NUP133: variants seen among roughly 807,000 people sequenced by gnomAD.
The protein encoded by NUP133 is nuclear pore complex protein Nup133.
Under a neutral mutation model 146.2 loss-of-function variants are expected in NUP133, and 66 were observed. The ratio of observed to expected loss-of-function variants is 0.45; its 90% CI spans 0.37 to 0.55. The LOEUF (loss-of-function observed/expected upper bound fraction) is 0.55. Among genes scored for constraint, NUP133 ranks in the 20% least tolerant of loss-of-function variants. NUP133 has a pLI of 0.00. For missense variants in NUP133, 1,277 were observed against 1,374.8 expected (o/e 0.93, Z 1.12); for synonymous variants, 521 against 498.8 (o/e 1.04, Z -0.59).
Position 229,486,492 on chromosome 1 carries a change from A to C in NUP133, c.1379T>G (p.Val460Gly), listed in dbSNP as rs200019828. The change falls in exon 11 of 26, where the codon GTT (valine) becomes GGT (glycine). Residue 460 changes from valine to glycine, a missense_variant. By Grantham distance (109) the Val-to-Gly change is moderately radical (BLOSUM62 -3). Coordinates refer to ENST00000261396, the MANE Select transcript of NUP133 (RefSeq NM_018230.3). ...ACTGTTTCTAGAAAAAATGATAGGA[A>C]CACCACCACAGGCACCAGCACCTAA... ...SVLGAGACGG[V>G]PIIFSRNSGL... 6 of 1,610,720 alleles carry C rather than the reference A, an allele frequency of 3.7e-6. No homozygotes were observed. Among genetic ancestry groups the C allele is most frequent in the African/African-American group, 2.7e-5 (2 of 74,524 alleles).
intron 9 of NUP133, among the ~76,000 whole-genome samples, chr1:229,488,126 G>A (rs1390329300): frequency 2.6e-5 from 4 of 152,078 alleles, no homozygotes; most frequent in African/African-American, 7.2e-5. Flanking sequence ...GATTACAGGC[G>A]TGAGCCACCG....
intron 8 of NUP133, among the ~76,000 whole-genome samples, chr1:229,492,931 A>G (rs2102779575): frequency 6.6e-6 from 1 of 152,230 alleles, no homozygotes; most frequent in South Asian, 2.1e-4. Context: ...TTAAAAAAAA[A>G]ATCAACTTTA....
chr1:229,454,520 T>A (rs1404146895), intron 21 of NUP133, among the ~76,000 whole-genome samples: 2 of 152,334 alleles, frequency 1.3e-5, no homozygotes, highest in East Asian at 3.9e-4. Flanking sequence ...TTTTTCCTAT[T>A]GAATTTTTTC....
intron 14 of NUP133, among the ~76,000 whole-genome samples, chr1:229,473,698 C>G (rs951500439): frequency 6.6e-6 from 1 of 152,032 alleles, no homozygotes; most frequent in South Asian, 2.1e-4. Context: ...CAGAGGCAGG[C>G]GATCACTTGA....
At chr1:229,503,571 AG>A (rs1661859174) in intron 2 of NUP133, among the ~76,000 whole-genome samples, 1 of 152,252 alleles carries the variant, frequency 6.6e-6, no homozygotes, top group Admixed American at 6.5e-5. Flanking sequence ...AATTTTATTA[AG>A]TTGAGCTTTG....
At chr1:229,455,786 C>G (rs1660546207) in intron 21 of NUP133, among the ~76,000 whole-genome samples, 2 of 152,132 alleles carry the variant, frequency 1.3e-5, no homozygotes, top group African/African-American at 4.8e-5. Context: ...CTCCTAAAAA[C>G]AAGGACATTC....
chr1:229,492,402 C>T (rs1393203228), intron 8 of NUP133, among the ~76,000 whole-genome samples: 1 of 151,984 alleles, frequency 6.6e-6, no homozygotes, highest in African/African-American at 2.4e-5. Context: ...CCACTGCGCC[C>T]GGTCCTATTA....
At chr1:229,454,301 G>C (rs1040417330) in intron 21 of NUP133, among the ~76,000 whole-genome samples, 12 of 152,178 alleles carry the variant, frequency 7.9e-5, no homozygotes, top group Non-Finnish European at 1.0e-4. Flanking sequence ...CTGCTAGGCA[G>C]CCTCATAAAC....
At chr1:229,481,647 C>T (rs547689475) in intron 12 of NUP133, among the ~76,000 whole-genome samples, 14 of 147,934 alleles carry the variant, frequency 9.5e-5, no homozygotes, top group East Asian at 8.0e-4. Context: ...TGCAGTGAGC[C>T]GAGATCACAC....
chr1:229,448,073 A>G (rs1660353851), intron 24 of NUP133, among the ~76,000 whole-genome samples: 1 of 152,236 alleles, frequency 6.6e-6, no homozygotes, highest in Admixed American at 6.5e-5. Context: ...CACTCCCACC[A>G]GCACCACAAT....
intron 25 of NUP133, among the ~76,000 whole-genome samples, chr1:229,443,329 C>T (rs141440335): frequency 1.3e-5 from 2 of 151,932 alleles, no homozygotes; most frequent in African/African-American, 4.8e-5. Flanking sequence ...CGTGAGCTAC[C>T]GTGCCTGGCA....
intron 14 of NUP133, among the ~76,000 whole-genome samples, chr1:229,474,422 A>G (rs1661028243): frequency 6.6e-6 from 1 of 152,258 alleles, no homozygotes. Context: ...AATAACAAAA[A>G]AAGAGAGACT....
rs1300671683 is a variant in NUP133 at position 229,464,851 on chromosome 1, C to T, written c.2324G>A (p.Arg775Gln). ...CTCATGCTGGCGTATTATTACCGTT[C>T]GGATGCCACCAGGACCACTTGTTGC... is the stretch of plus-strand genomic sequence containing the variant. ...WTATSGPGGI[R>Q]TVIIRQHEIV... Residue 775 changes from arginine (R) to glutamine (Q), a missense_variant, in exon 18 of 26, where the codon CGA becomes CAA. Coordinates refer to ENST00000261396, the MANE Select transcript of NUP133 (RefSeq NM_018230.3). 28 of 1,613,998 alleles carry T rather than the reference C, an allele frequency of 1.7e-5. No homozygotes were observed. Among genetic ancestry groups the T allele is most frequent in the African/African-American group, 5.3e-5 (4 of 74,898 alleles).
intron 25 of NUP133, among the ~76,000 whole-genome samples, chr1:229,444,649 C>G (rs536936963): frequency 4.0e-5 from 6 of 151,750 alleles, no homozygotes; most frequent in Non-Finnish European, 8.8e-5. Flanking sequence ...GAGTTCGAGA[C>G]CAGCCTGGCC....
intron 23 of NUP133, 48 bp downstream of exon 23, chr1:229,450,477 T>TA (rs749274236): frequency 1.1e-6 from 1 of 949,264 alleles, no homozygotes; most frequent in Non-Finnish European, 1.6e-6. Flanking sequence ...TCCCTCTTTT[T>TA]ATATATGTAT....
At chr1:229,493,943 C>G (rs1661588002) in intron 8 of NUP133, among the ~76,000 whole-genome samples, 2 of 151,982 alleles carry the variant, frequency 1.3e-5, no homozygotes, top group South Asian at 4.2e-4. Context: ...CCAGCCTGGC[C>G]AACATAGTGA....
chr1:229,496,939 G>T (rs149414847), intron 6 of NUP133, among the ~76,000 whole-genome samples: 1 of 152,364 alleles, frequency 6.6e-6, no homozygotes, highest in African/African-American at 2.4e-5. Context: ...TCTGAACACA[G>T]AATTGTGTTT....
intron 13 of NUP133, among the ~76,000 whole-genome samples, chr1:229,476,836 A>G (rs1661085038): frequency 6.6e-6 from 1 of 151,428 alleles, no homozygotes; most frequent in African/African-American, 2.4e-5. Flanking sequence ...AGGTGGGAGT[A>G]TCACTTGAAC....
At chr1:229,500,307 T>A (rs979580596) in intron 4 of NUP133, among the ~76,000 whole-genome samples, 1 of 152,192 alleles carries the variant, frequency 6.6e-6, no homozygotes, top group Non-Finnish European at 1.5e-5. Flanking sequence ...TAATCTCAGG[T>A]CATGATGATT....
Sources: gnomAD v4.1 joint callset for allele counts (sites outside exome capture counted in the v4.1 genomes callset) on GRCh38, gnomAD v4.1.1 for gene constraint, MANE v1.5 for transcripts, NCBI Gene and HGNC (gene_info 2026-07-23, HGNC 2026-07-21) for gene names.